Variants in SNX29 observed in about 807,000 individuals in gnomAD.
The protein encoded by SNX29 is sorting nexin 29.
A neutral mutation model predicts 102.1 loss-of-function variants in SNX29; 78 were observed. The observed-to-expected ratio is 0.76, with a 90% CI of 0.64 to 0.92. The LOEUF (loss-of-function observed/expected upper bound fraction) is 0.92, where lower values mean the gene tolerates loss of function less well. Ranked by LOEUF, SNX29 falls within the 40% of genes least tolerant of loss-of-function variation. The pLI is 0.00. For synonymous variants in SNX29, 580 were observed against 414.5 expected, an observed-to-expected ratio of 1.40 and a Z score of -4.85; for missense variants, 1,280 against 1,061.7, an observed-to-expected ratio of 1.21 and a Z score of -2.86.
chr16:12,545,943 C>T (rs10492793), intron 20 of SNX29, among the ~76,000 whole-genome samples: 56,675 of 151,876 alleles, frequency 0.37, 10,780 homozygotes, highest in East Asian at 0.58. Context: ...TATGTATTAT[C>T]CTGACAACTA....
At chr16:12,503,423 A>C (rs1421268817) in intron 19 of SNX29, among the ~76,000 whole-genome samples, 1 of 152,178 alleles carries the variant, frequency 6.6e-6, no homozygotes, top group African/African-American at 2.4e-5. Context: ...TGCACTGAGA[A>C]GTCAGGGTGT....
chr16:12,353,383 C>T (rs999929784), intron 15 of SNX29, among the ~76,000 whole-genome samples: 2 of 152,228 alleles, frequency 1.3e-5, no homozygotes. Context: ...CCACTGGGAA[C>T]TTATCCTGCC....
chr16:12,351,422 C>G (rs2081989350), intron 15 of SNX29, among the ~76,000 whole-genome samples: 1 of 152,040 alleles, frequency 6.6e-6, no homozygotes, highest in African/African-American at 2.4e-5. Flanking sequence ...GTATGTGACC[C>G]CCAAAGAGCC....
intron 15 of SNX29, among the ~76,000 whole-genome samples, chr16:12,285,683 A>G (rs907279711): frequency 4.7e-4 from 71 of 152,300 alleles, no homozygotes; most frequent in African/African-American, 1.4e-3. Context: ...ATTGGCACCA[A>G]TGGGTTCCAA....
intron 20 of SNX29, among the ~76,000 whole-genome samples, chr16:12,546,083 C>G (rs529622272): frequency 2.0e-5 from 3 of 152,298 alleles, no homozygotes; most frequent in African/African-American, 7.2e-5. Context: ...AGTCCCCAGT[C>G]TCTCACTTCA....
chr16:12,539,097 C>T (rs1278052174), intron 20 of SNX29, among the ~76,000 whole-genome samples: 1 of 152,170 alleles, frequency 6.6e-6, no homozygotes, highest in African/African-American at 2.4e-5. Flanking sequence ...TGCCCAGAGT[C>T]CTACTTGCCT....
intron 18 of SNX29, among the ~76,000 whole-genome samples, chr16:12,409,741 T>A (rs778680789): frequency 3.3e-5 from 5 of 152,210 alleles, no homozygotes; most frequent in Non-Finnish European, 7.3e-5. Context: ...TCTTCAACTA[T>A]TACAGCCATC....
chr16:12,472,549 A>C (rs1015977923), intron 18 of SNX29, among the ~76,000 whole-genome samples: 18 of 151,596 alleles, frequency 1.2e-4, no homozygotes, highest in African/African-American at 3.9e-4. Context: ...AAAAACAAAA[A>C]AAAAAAGAAA....
intron 3 of SNX29, 103 bp downstream of exon 3, chr16:12,003,146 G>A: frequency 1.3e-5 from 19 of 1,436,416 alleles, no homozygotes; most frequent in Non-Finnish European, 1.9e-5. Flanking sequence ...AAAGGCGGCA[G>A]AAGGCGGCTG....
At chr16:12,186,515 A>G (rs1596460796) in intron 13 of SNX29, among the ~76,000 whole-genome samples, 1 of 152,342 alleles carries the variant, frequency 6.6e-6, no homozygotes, top group Non-Finnish European at 1.5e-5. Flanking sequence ...GATAAAATGC[A>G]GGAAATGTAA....
intron 20 of SNX29, among the ~76,000 whole-genome samples, chr16:12,552,251 C>G (rs868867573): frequency 2.0e-5 from 3 of 147,120 alleles, no homozygotes; most frequent in Middle Eastern, 3.5e-3. Flanking sequence ...GCTTTGCCTC[C>G]TAGGGGCTCG....
At chr16:12,217,193 T>A (rs760032778) in intron 14 of SNX29, among the ~76,000 whole-genome samples, 8 of 152,170 alleles carry the variant, frequency 5.3e-5, no homozygotes, top group Non-Finnish European at 1.0e-4. Context: ...AATTTTTTTG[T>A]ATTTTTTGTA....
chr16:12,477,981 GA>G, intron 19 of SNX29, 122 bp downstream of exon 19: 1 of 1,157,110 alleles, frequency 8.6e-7, no homozygotes, highest in Non-Finnish European at 1.2e-6. Context: ...GTGGAGATAA[GA>G]AAAAAATAGA....
At chr16:12,308,217 T>G (rs553782827) in intron 15 of SNX29, among the ~76,000 whole-genome samples, 1 of 152,308 alleles carries the variant, frequency 6.6e-6, no homozygotes, top group Non-Finnish European at 1.5e-5. Flanking sequence ...GCAGGCACAT[T>G]TATGCCTACT....
chr16:12,007,953 TC>T (rs2056511998), intron 3 of SNX29, among the ~76,000 whole-genome samples: 1 of 152,198 alleles, frequency 6.6e-6, no homozygotes. Context: ...ACTTTTTCTT[TC>T]TTTTTTTGAG....
intron 14 of SNX29, among the ~76,000 whole-genome samples, chr16:12,231,444 T>G (rs571504576): frequency 3.9e-4 from 60 of 152,232 alleles, no homozygotes; most frequent in Non-Finnish European, 7.1e-4. Context: ...TTATGTTGAC[T>G]GCATTGCTGT....
chr16:12,304,278 G>A (rs756522267), intron 15 of SNX29, among the ~76,000 whole-genome samples: 1 of 152,094 alleles, frequency 6.6e-6, no homozygotes, highest in African/African-American at 2.4e-5. Context: ...TTTTGGTTCG[G>A]AACTTACTGT....
chr16:12,017,455 G>A (rs550171715), intron 3 of SNX29, among the ~76,000 whole-genome samples: 13 of 152,068 alleles, frequency 8.5e-5, no homozygotes, highest in Non-Finnish European at 1.6e-4. Flanking sequence ...AATTTTTTCA[G>A]CTATATGTTC....
intron 18 of SNX29, among the ~76,000 whole-genome samples, chr16:12,459,057 T>A (rs1214447288): frequency 1.2e-4 from 10 of 82,550 alleles, no homozygotes; most frequent in African/African-American, 5.0e-4. Flanking sequence ...GCTGTCTTCT[T>A]CCCCCACCTC....
Sources: allele counts gnomAD v4.1 joint callset (sites outside exome capture counted in the v4.1 genomes callset), GRCh38; gene constraint gnomAD v4.1.1; transcripts MANE v1.5; gene names NCBI Gene and HGNC (gene_info 2026-07-23, HGNC 2026-07-21).